DAPK1: variants seen among roughly 807,000 people sequenced by gnomAD.
The protein encoded by DAPK1 is death-associated protein kinase 1.
DAPK1 carries 56 observed loss-of-function variants against 144.9 expected under a neutral mutation model. The observed-to-expected ratio is 0.39, with a 90% CI of 0.31 to 0.48. DAPK1 has a LOEUF of 0.48. Among genes scored for constraint, DAPK1 ranks in the 20% least tolerant of loss-of-function variants. The pLI is 0.95. For synonymous variants in DAPK1, 690 were observed against 749.0 expected, an observed-to-expected ratio of 0.92 and a Z score of 1.29; for missense variants, 1,454 against 1,875.4, an observed-to-expected ratio of 0.78 and a Z score of 4.15.
chr9:87,587,417 G>A (rs550912255), intron 2 of DAPK1, among the ~76,000 whole-genome samples: 1 of 152,310 alleles, frequency 6.6e-6, no homozygotes, highest in South Asian at 2.1e-4. Flanking sequence ...AAGTCAGCAT[G>A]AGAAATTTGA....
intron 2 of DAPK1, among the ~76,000 whole-genome samples, chr9:87,547,847 G>A (rs1826317768): frequency 6.6e-6 from 1 of 152,166 alleles, no homozygotes; most frequent in African/African-American, 2.4e-5. Context: ...GCTTTACTCA[G>A]AGTCTGCTGA....
chr9:87,623,613 G>A (rs1829385351), intron 3 of DAPK1, among the ~76,000 whole-genome samples: 1 of 152,154 alleles, frequency 6.6e-6, no homozygotes, highest in South Asian at 2.1e-4. Context: ...TTGGGGACCG[G>A]GTGCAGTGGT....
chr9:87,516,338 A>G (rs573698812), intron 2 of DAPK1, among the ~76,000 whole-genome samples: 2 of 152,230 alleles, frequency 1.3e-5, no homozygotes, highest in South Asian at 2.1e-4. Context: ...GGGTTCTCCC[A>G]GCGGGCCCGT....
At chr9:87,666,751 G>A (rs904783537) in intron 18 of DAPK1, among the ~76,000 whole-genome samples, 7 of 152,112 alleles carry the variant, frequency 4.6e-5, no homozygotes, top group East Asian at 1.9e-4. Flanking sequence ...TAGGATTACA[G>A]GCATGAGCCA....
At chr9:87,609,801 G>A (rs2118984881) in intron 3 of DAPK1, among the ~76,000 whole-genome samples, 1 of 152,256 alleles carries the variant, frequency 6.6e-6, no homozygotes, top group South Asian at 2.1e-4. Context: ...GTTTCCGTGT[G>A]GATATAGTTT....
chr9:87,512,567 C>T (rs1027355371), intron 2 of DAPK1, among the ~76,000 whole-genome samples: 1 of 152,188 alleles, frequency 6.6e-6, no homozygotes, highest in Non-Finnish European at 1.5e-5. Flanking sequence ...TAAATGCCCA[C>T]TTACATGTCT....
chr9:87,678,117 A>G (rs1048638496), intron 19 of DAPK1, among the ~76,000 whole-genome samples: 2 of 152,202 alleles, frequency 1.3e-5, no homozygotes, highest in African/African-American at 4.8e-5. Flanking sequence ...AGAAAACACC[A>G]GAGTACAGAC....
At chr9:87,565,960 TCA>T (rs1399344442) in intron 2 of DAPK1, among the ~76,000 whole-genome samples, 2 of 151,890 alleles carry the variant, frequency 1.3e-5, no homozygotes, top group African/African-American at 4.8e-5. Flanking sequence ...TTGCCTGAGG[TCA>T]CACAGCATTT....
At position 87,697,386 on chromosome 9, in the gene DAPK1, G is replaced by A. The variant is rs543581547; in HGVS notation, c.2611+182G>A. Among the ~76,000 whole-genome samples the A allele has an allele frequency of 7.2e-5, 11 of 152,340 alleles. No individual in the cohort carries two copies. The South Asian group carries it at 1.9e-3, about 26-fold the overall frequency. ...ACTTCCTTTCTCCTTCCTGCTGGGAGACTTCCACTCTGAGAAGCTTCATGA... is the reference window on the plus strand; with the variant it reads ...ACTTCCTTTCTCCTTCCTGCTGGGAAACTTCCACTCTGAGAAGCTTCATGA... On this transcript the variant is annotated intron_variant, in intron 22 of 25. Coordinates refer to ENST00000408954, the MANE Select transcript of DAPK1 (RefSeq NM_004938.4).
At chr9:87,664,701 C>T (rs1033860916) in intron 18 of DAPK1, among the ~76,000 whole-genome samples, 3 of 152,336 alleles carry the variant, frequency 2.0e-5, no homozygotes, top group Admixed American at 2.0e-4. Flanking sequence ...CTGCTTCCAC[C>T]CTTACCTGTC....
intron 3 of DAPK1, chr9:87,632,067 T>A (rs1829708111): frequency 1.3e-6 from 1 of 768,874 alleles, no homozygotes; most frequent in African/African-American, 1.8e-5. Flanking sequence ...TATGTAAGGA[T>A]GAAAGTTAAT....
At chr9:87,681,781 A>G (rs2274604) in intron 20 of DAPK1, 155 bp downstream of exon 20, 15,325 of 656,084 alleles carry the variant, frequency 0.023, 654 homozygotes, top group East Asian at 0.13. Flanking sequence ...GTTGGCTGGT[A>G]GCCTTGTGTG....
At chr9:87,696,583 G>A (rs1825267050) in intron 21 of DAPK1, among the ~76,000 whole-genome samples, 1 of 152,196 alleles carries the variant, frequency 6.6e-6, no homozygotes, top group South Asian at 2.1e-4. Flanking sequence ...GGGTCTAAAT[G>A]TGACAGAAGG....
chr9:87,606,735 CTCTCTCCT>C (rs1404313491), intron 3 of DAPK1, among the ~76,000 whole-genome samples: 5 of 122,876 alleles, frequency 4.1e-5, no homozygotes, highest in Non-Finnish European at 8.7e-5. Context: ...CCCTCCCTCC[CTCTCTCCT>C]TCCTTCCTTC....
intron 21 of DAPK1, among the ~76,000 whole-genome samples, chr9:87,689,185 A>C (rs1824967499): frequency 6.6e-6 from 1 of 150,874 alleles, no homozygotes; most frequent in South Asian, 2.1e-4. Flanking sequence ...CATTGATTGA[A>C]TAGGGAGTCC....
intron 3 of DAPK1, among the ~76,000 whole-genome samples, chr9:87,626,013 TACAA>T (rs1377602904): frequency 2.0e-5 from 3 of 152,180 alleles, no homozygotes; most frequent in African/African-American, 7.2e-5. Context: ...CCCACTCAAG[TACAA>T]ACAGCCACTA....
intron 18 of DAPK1, among the ~76,000 whole-genome samples, chr9:87,664,576 G>A (rs1564057700): frequency 6.6e-6 from 1 of 152,202 alleles, no homozygotes; most frequent in African/African-American, 2.4e-5. Flanking sequence ...CCTGTGGGCT[G>A]GTAGTCCCTT....
chr9:87,557,097 C>T lies in DAPK1; in HGVS notation c.63-47857C>T, dbSNP rs566283596. ...TCACCCTTCCCTCTTGGCGGTGTTG[C>T]GGGAAGGGAGGAGCAACTCTTCCTC... On this transcript the variant is annotated intron_variant, in intron 2 of 25. Transcript: ENST00000408954. Among the ~76,000 whole-genome samples, 294 of 152,262 alleles carry T rather than the reference C, an allele frequency of 1.9e-3. 1 individual carries two copies. The highest frequency in any genetic ancestry group is 6.7e-3 in the African/African-American group (280 of 41,560).
chr9:87,681,848 C>T, intron 20 of DAPK1: 1 of 581,260 alleles, frequency 1.7e-6, no homozygotes. Flanking sequence ...ACAAGGGCCT[C>T]ACTGAAATCA....
Sources: allele counts gnomAD v4.1 joint callset (sites outside exome capture counted in the v4.1 genomes callset), GRCh38; gene constraint gnomAD v4.1.1; transcripts MANE v1.5; gene names NCBI Gene and HGNC (gene_info 2026-07-23, HGNC 2026-07-21).